TRABD2A: variants seen among roughly 807,000 people sequenced by gnomAD.
TRABD2A encodes the protein TraB domain containing 2A.
A neutral mutation model predicts 45.6 loss-of-function variants in TRABD2A; 43 were observed. The ratio of observed to expected loss-of-function variants is 0.94; its 90% CI spans 0.74 to 1.22. TRABD2A has a LOEUF of 1.22. Among genes scored for constraint, TRABD2A ranks in the 50% most tolerant of loss-of-function variants. The pLI is 0.00. For missense variants in TRABD2A, 642 were observed against 652.4 expected (o/e 0.98, Z 0.17); for synonymous variants, 269 against 265.0 (o/e 1.02, Z -0.15).
chr2:84,869,777 C>T (rs1682808909), intron 2 of TRABD2A, among the ~76,000 whole-genome samples: 1 of 17,592 alleles, frequency 5.7e-5, no homozygotes, highest in African/African-American at 6.2e-4. Context: ...GTCAGGAGTT[C>T]GAGACCAGCC....
chr2:84,859,957 G>A lies in TRABD2A; in HGVS notation c.669+10268C>T, dbSNP rs140151587. ...TTTATTTTTTGGAGAGATGGGGGGG[G>A]GTCTCACTATGTTGTCCAGGCTGGT... On this transcript the variant is annotated intron_variant, in intron 2 of 6. Coordinates refer to ENST00000409520, the MANE Select transcript of TRABD2A (RefSeq NM_001277053.2). Among the ~76,000 whole-genome samples the A allele has an allele frequency of 3.3e-5, 5 of 151,918 alleles. No homozygotes were observed. In the East Asian group the frequency reaches 9.7e-4, roughly 29 times the overall value.
At chr2:84,879,612 G>A (rs1683137029) in intron 1 of TRABD2A, 1 of 985,222 alleles carries the variant, frequency 1.0e-6, no homozygotes. Context: ...TTACCAGTCG[G>A]TAATAGGTTT....
intron 3 of TRABD2A, among the ~76,000 whole-genome samples, chr2:84,840,707 T>A (rs1201695846): frequency 6.6e-6 from 1 of 152,194 alleles, no homozygotes; most frequent in Non-Finnish European, 1.5e-5. Flanking sequence ...TTCTCCCCCC[T>A]TCCCTACCCT....
At position 84,870,511 on chromosome 2, in the gene TRABD2A, T is replaced by G. The variant is rs1355388121; in HGVS notation, c.383A>C (p.Glu128Ala). ...DIYCRLKRHL[E>A]YVKLMMPLWM... ...CAAGGGCATCATGAGCTTGACATAC[T>G]CCAGGTGGCGCTTGAGGCGGCAGTA... The change falls in exon 2 of 7, where the codon GAG becomes GCG. Residue 128 changes from glutamate (E) to alanine (A), a missense_variant. Coordinates refer to ENST00000409520, the MANE Select transcript of TRABD2A (RefSeq NM_001277053.2). 6.2e-7 allele frequency: 1 copy of G among 1,614,000 alleles called. No homozygotes were observed. The highest frequency in any genetic ancestry group is 1.7e-5 in the Admixed American group (1 of 60,014).
chr2:84,856,278 C>T (rs1682301710), intron 2 of TRABD2A, among the ~76,000 whole-genome samples: 1 of 152,038 alleles, frequency 6.6e-6, no homozygotes, highest in African/African-American at 2.4e-5. Context: ...CCTTCTCAGG[C>T]TCATTTTCTA....
At chr2:84,877,655 A>G (rs984950039) in intron 1 of TRABD2A, among the ~76,000 whole-genome samples, 3 of 152,216 alleles carry the variant, frequency 2.0e-5, no homozygotes, top group African/African-American at 7.2e-5. Context: ...ACTGAGACAC[A>G]GAAGCTACAA....
intron 2 of TRABD2A, among the ~76,000 whole-genome samples, chr2:84,857,335 T>C (rs114005463): frequency 0.026 from 3,909 of 152,354 alleles, 83 homozygotes; most frequent in South Asian, 0.055. Context: ...TAACTTTTAC[T>C]GCTTGGTAGG....
intron 2 of TRABD2A, among the ~76,000 whole-genome samples, chr2:84,851,407 G>C (rs1213184546): frequency 1.3e-5 from 2 of 152,216 alleles, no homozygotes; most frequent in Non-Finnish European, 2.9e-5. Context: ...CTTTTTTAGA[G>C]TGTACCAGAA....
chr2:84,859,241 C>T (rs1181408249), intron 2 of TRABD2A, among the ~76,000 whole-genome samples: 1 of 152,188 alleles, frequency 6.6e-6, no homozygotes, highest in Admixed American at 6.5e-5. Flanking sequence ...TGGAAACAGC[C>T]AGCAAAGAGT....
intron 2 of TRABD2A, among the ~76,000 whole-genome samples, chr2:84,844,375 C>T (rs745631148): frequency 6.6e-6 from 1 of 152,154 alleles, no homozygotes; most frequent in Non-Finnish European, 1.5e-5. Flanking sequence ...ATGTAAGACA[C>T]GCCTTTCCTC....
At chr2:84,845,344 T>G (rs577169211) in intron 2 of TRABD2A, among the ~76,000 whole-genome samples, 2 of 152,308 alleles carry the variant, frequency 1.3e-5, no homozygotes, top group African/African-American at 4.8e-5. Flanking sequence ...AGAGCAAGAT[T>G]CCTTCTCAAA....
At chr2:84,856,086 G>A (rs1682293457) in intron 2 of TRABD2A, among the ~76,000 whole-genome samples, 1 of 152,136 alleles carries the variant, frequency 6.6e-6, no homozygotes, top group Non-Finnish European at 1.5e-5. Context: ...GAGTTGTTGT[G>A]TCTTCTTTTT....
intron 1 of TRABD2A, among the ~76,000 whole-genome samples, chr2:84,878,678 C>T (rs1447687140): frequency 6.6e-6 from 1 of 152,142 alleles, no homozygotes; most frequent in Non-Finnish European, 1.5e-5. Context: ...TAATGATTAA[C>T]CAACCATGAA....
chr2:84,851,515 C>G (rs551248483), intron 2 of TRABD2A, among the ~76,000 whole-genome samples: 1 of 152,208 alleles, frequency 6.6e-6, no homozygotes, highest in Admixed American at 6.5e-5. Context: ...TCTTTTTGAA[C>G]ACTTACCTTC....
chr2:84,835,501 C>A (rs1681473265), intron 4 of TRABD2A: 1 of 152,052 alleles, frequency 6.6e-6, no homozygotes, highest in Non-Finnish European at 1.5e-5. Context: ...TCAGCCTCGA[C>A]CTCCAGGGCT....
chr2:84,832,236 C>A, intron 4 of TRABD2A, 91 bp from the exon 5 acceptor site: 1 of 1,325,008 alleles, frequency 7.5e-7, no homozygotes, highest in Non-Finnish European at 1.1e-6. Context: ...AGAAATTACC[C>A]TGCCAAGCCC....
chr2:84,879,910 G>T (rs1369059970), intron 1 of TRABD2A, among the ~76,000 whole-genome samples: 1 of 152,144 alleles, frequency 6.6e-6, no homozygotes, highest in East Asian at 1.9e-4. Context: ...GAATGGCCAG[G>T]GGTGGAGGCA....
In TRABD2A at chr2:84,848,375, TAGACAGACAGAC is replaced by T. The variant is rs57767626; in HGVS notation, c.670-6380_670-6369del. On this transcript the variant is annotated intron_variant, in intron 2 of 6. Coordinates refer to ENST00000409520, the MANE Select transcript of TRABD2A (RefSeq NM_001277053.2). ...ATAGATAGATAGATAGATAGATAGA[TAGACAGACAGAC>T]AGACAGACAGACAGACAGACAGACA... Among the ~76,000 whole-genome samples the T allele has an allele frequency of 1.8e-3, 142 of 80,572 alleles. 1 individual carries two copies. The highest frequency in any genetic ancestry group is 2.6e-3 in the Non-Finnish European group (101 of 39,488). The allele number at this position is 80,572 out of a possible 152,430, so 52.9% of individuals were successfully genotyped here.
At chr2:84,855,804 T>G (rs1405514501) in intron 2 of TRABD2A, among the ~76,000 whole-genome samples, 1 of 152,164 alleles carries the variant, frequency 6.6e-6, no homozygotes, top group Non-Finnish European at 1.5e-5. Context: ...CAAGTCCCAG[T>G]TGGGGCATTG....
Sources: gnomAD v4.1 joint callset for allele counts (sites outside exome capture counted in the v4.1 genomes callset) on GRCh38, gnomAD v4.1.1 for gene constraint, MANE v1.5 for transcripts, NCBI Gene and HGNC (gene_info 2026-07-23, HGNC 2026-07-21) for gene names.